COL6A6: variants seen among roughly 807,000 people sequenced by gnomAD.
COL6A6 encodes collagen alpha-6(VI) chain.
A neutral mutation model predicts 208.6 loss-of-function variants in COL6A6; 183 were observed. That is an observed-to-expected ratio of 0.88 (90% CI 0.78 to 0.99). The LOEUF (loss-of-function observed/expected upper bound fraction) is 0.99. COL6A6 is among the 50% of genes least tolerant of loss of function. The probability of loss-of-function intolerance (pLI) is 0.00; values close to 1 mark genes in which losing one functional copy is unlikely to be tolerated. For synonymous variants in COL6A6, 973 were observed against 1,011.8 expected, an observed-to-expected ratio of 0.96 and a Z score of 0.73; for missense variants, 2,816 against 2,815.2, an observed-to-expected ratio of 1.00 and a Z score of -0.01.
chr3:130,558,410 C>G (rs1010446897), intron 1 of COL6A6, among the ~76,000 whole-genome samples: 2 of 152,202 alleles, frequency 1.3e-5, no homozygotes, highest in African/African-American at 4.8e-5. Context: ...TTACAGCACA[C>G]TAGACTTTGG....
At chr3:130,596,064 T>C (rs2063843344) in intron 18 of COL6A6, among the ~76,000 whole-genome samples, 1 of 152,164 alleles carries the variant, frequency 6.6e-6, no homozygotes, top group Non-Finnish European at 1.5e-5. Flanking sequence ...ATACAATGGG[T>C]TGATCAGAGA....
intron 1 of COL6A6, among the ~76,000 whole-genome samples, chr3:130,531,035 C>CAG (rs1226390384): frequency 1.1e-3 from 25 of 21,824 alleles, no homozygotes; most frequent in African/African-American, 3.4e-3. Context: ...CACACACACA[C>CAG]ACAGACACAC....
At chr3:130,539,268 A>G (rs1444701430) in intron 1 of COL6A6, among the ~76,000 whole-genome samples, 1 of 152,224 alleles carries the variant, frequency 6.6e-6, no homozygotes, top group Non-Finnish European at 1.5e-5. Context: ...GGGCAGCACT[A>G]ATTTTTGGTG....
At chr3:130,559,131 T>A in intron 1 of COL6A6, among the ~76,000 whole-genome samples, 1 of 152,204 alleles carries the variant, frequency 6.6e-6, no homozygotes, top group Non-Finnish European at 1.5e-5. Context: ...GCTCAACAAA[T>A]GGCAGAATTT....
intron 36 of COL6A6, among the ~76,000 whole-genome samples, chr3:130,673,189 A>C (rs1190018647): frequency 5.6e-5 from 8 of 143,724 alleles, no homozygotes; most frequent in African/African-American, 2.0e-4. Context: ...AAAAAAAAAA[A>C]ACAAAAAAAC....
In COL6A6 at chr3:130,650,287, G is replaced by C. The variant is rs73198102; in HGVS notation, c.5733+725G>C. On this transcript the variant is annotated intron_variant, in intron 33 of 36. Transcript: ENST00000358511. ...TGTTCTCCATGTGGAGACCGTGAAG[G>C]GGGGGGCCAGGGAGCAGCAAAGAGG... Among the ~76,000 whole-genome samples, 119 of 151,860 alleles carry C rather than the reference G, an allele frequency of 7.8e-4. 1 individual carries two copies. The highest frequency in any genetic ancestry group is 2.2e-3 in the Admixed American group (33 of 15,286).
chr3:130,658,812 T>C (rs965989832), intron 34 of COL6A6, 40 bp downstream of exon 34: 5 of 1,442,714 alleles, frequency 3.5e-6, no homozygotes, highest in Middle Eastern at 3.5e-4. Flanking sequence ...TCAGGCCTAT[T>C]AAGCATGATG....
At chr3:130,562,345 T>A (rs1406094208) in intron 2 of COL6A6, among the ~76,000 whole-genome samples, 1 of 152,228 alleles carries the variant, frequency 6.6e-6, no homozygotes, top group African/African-American at 2.4e-5. Flanking sequence ...CTAGAATCCC[T>A]TTTCTAGCCC....
intron 24 of COL6A6, among the ~76,000 whole-genome samples, chr3:130,625,885 C>A (rs1354314928): frequency 6.6e-6 from 1 of 152,090 alleles, no homozygotes; most frequent in Non-Finnish European, 1.5e-5. Flanking sequence ...AGGAACTTTC[C>A]ATATTATGTT....
Position 130,567,132 on chromosome 3 carries a change from G to C in COL6A6, c.1713G>C (p.Gly571=), listed in dbSNP as rs766048396. The C allele has an allele frequency of 2.5e-5, 40 of 1,613,888 alleles. No homozygotes were observed. The highest frequency in any genetic ancestry group is 5.3e-5 in the African/African-American group (4 of 74,932). ...REEHIRVYAI[G]IKEANQTQLR... ...AGCACATCCGAGTTTATGCTATCGG[G>C]ATCAAGGAGGCCAACCAAACACAGC... The change falls in exon 5 of 37, where the codon GGG becomes GGC. Residue 571 remains glycine (G), a synonymous_variant. Transcript: ENST00000358511.
intron 1 of COL6A6, among the ~76,000 whole-genome samples, chr3:130,555,896 TA>T (rs2062758182): frequency 6.6e-6 from 1 of 152,220 alleles, no homozygotes; most frequent in African/African-American, 2.4e-5. Flanking sequence ...TTTTTTGTTA[TA>T]AGTTTAAGGG....
Position 130,598,522 on chromosome 3 carries a change from A to G in COL6A6, c.4599+92A>G, listed in dbSNP as rs577203886. Reference sequence around the variant, plus strand: ...GTGAAATGCTTAACAAAAAAACTGGAATCAAAGTGGATATACTTGGTACAG... The same window carrying G: ...GTGAAATGCTTAACAAAAAAACTGGGATCAAAGTGGATATACTTGGTACAG... On this transcript the variant is annotated intron_variant, in intron 19 of 36. Transcript: ENST00000358511. 16 of 867,844 alleles carry G rather than the reference A, an allele frequency of 1.8e-5. No homozygotes were observed. In the South Asian group the frequency reaches 2.4e-4, roughly 13 times the overall value. 53.8% of individuals were successfully genotyped at this position (867,844 alleles called of 1,614,324 possible). A position where few individuals can be genotyped will look rare whatever the true frequency, so the allele number is the denominator to read the frequency against.
chr3:130,642,289 TTTTTG>T (rs2065338237), intron 29 of COL6A6, among the ~76,000 whole-genome samples: 1 of 135,956 alleles, frequency 7.4e-6, no homozygotes, highest in Non-Finnish European at 1.5e-5. Flanking sequence ...GTGTGTGTAT[TTTTTG>T]TTTTGGGAAG....
At chr3:130,531,048 A>T (rs1227330338) in intron 1 of COL6A6, among the ~76,000 whole-genome samples, 879 of 85,888 alleles carry the variant, frequency 0.01, 14 homozygotes, top group African/African-American at 0.037. Flanking sequence ...AGACACACAC[A>T]CACACACACA....
At chr3:130,533,253 T>A (rs1024155868) in intron 1 of COL6A6, among the ~76,000 whole-genome samples, 14 of 129,514 alleles carry the variant, frequency 1.1e-4, no homozygotes, top group African/African-American at 3.0e-4. Context: ...TCCCAGGAAT[T>A]AAAAAAAAAA....
At chr3:130,666,279 G>A (rs1435172678) in intron 36 of COL6A6, among the ~76,000 whole-genome samples, 3 of 152,186 alleles carry the variant, frequency 2.0e-5, no homozygotes, top group Non-Finnish European at 4.4e-5. Context: ...TGAACAATAT[G>A]TTGGATGATA....
intron 1 of COL6A6, among the ~76,000 whole-genome samples, chr3:130,521,343 A>G (rs1279264977): frequency 6.6e-6 from 1 of 152,234 alleles, no homozygotes; most frequent in Admixed American, 6.5e-5. Flanking sequence ...GAAGATCATA[A>G]GCAAGTCACA....
At chr3:130,656,519 G>A (rs1400227363) in intron 33 of COL6A6, among the ~76,000 whole-genome samples, 1 of 152,168 alleles carries the variant, frequency 6.6e-6, no homozygotes, top group Admixed American at 6.5e-5. Flanking sequence ...CAGAGGGGAG[G>A]AAGTGTGTGC....
At chr3:130,647,171 C>T (rs1409366019) in intron 32 of COL6A6, among the ~76,000 whole-genome samples, 1 of 152,096 alleles carries the variant, frequency 6.6e-6, no homozygotes, top group Non-Finnish European at 1.5e-5. Context: ...AGGAGGGCCT[C>T]CTAGGTACCA....
Sources: gnomAD v4.1 joint callset for allele counts (sites outside exome capture counted in the v4.1 genomes callset) on GRCh38, gnomAD v4.1.1 for gene constraint, MANE v1.5 for transcripts, NCBI Gene and HGNC (gene_info 2026-07-23, HGNC 2026-07-21) for gene names.